The following NCOR2 variants were observed in gnomAD, a reference collection of about 807,000 sequenced individuals.
The protein encoded by NCOR2 is nuclear receptor corepressor 2, also known as CTG repeat protein 26.
NCOR2 carries 81 observed loss-of-function variants against 262.9 expected under a neutral mutation model. The ratio of observed to expected loss-of-function variants is 0.31; its 90% CI spans 0.26 to 0.37. The LOEUF is 0.37. Among genes scored for constraint, NCOR2 ranks in the 10% least tolerant of loss-of-function variants. The pLI is 1.00. For synonymous variants in NCOR2, 1,659 were observed against 1,559.3 expected (o/e 1.06, Z -1.51); for missense variants, 3,385 against 3,621.4 (o/e 0.93, Z 1.68).
At chr12:124,336,650 G>C in intron 38 of NCOR2, 103 bp downstream of exon 40, 2 of 1,517,556 alleles carry the variant, frequency 1.3e-6, no homozygotes, top group Non-Finnish European at 1.8e-6. Context: ...ATCGCGAGGG[G>C]AGCCGTTGGC....
chr12:124,376,918 G>C (rs928354836), intron 18 of NCOR2, among the ~76,000 whole-genome samples: 2 of 152,200 alleles, frequency 1.3e-5, no homozygotes, highest in Admixed American at 6.5e-5. Flanking sequence ...GAGTCAGAAA[G>C]GAGAGTCAGG....
At chr12:124,515,697 A>C (rs1335677869) in intron 1 of NCOR2, among the ~76,000 whole-genome samples, 1 of 151,576 alleles carries the variant, frequency 6.6e-6, no homozygotes, top group Non-Finnish European at 1.5e-5. Context: ...ATGCGTGTGC[A>C]TGTTCGTGTG....
intron 17 of NCOR2, 119 bp downstream of exon 19, chr12:124,385,626 G>T: frequency 2.1e-6 from 3 of 1,422,310 alleles, no homozygotes; most frequent in Non-Finnish European, 2.8e-6. Context: ...GTTCTAACAA[G>T]GCGGCATAAT....
chr12:124,479,407 A>G (rs1182214252), intron 3 of NCOR2, among the ~76,000 whole-genome samples: 2 of 151,734 alleles, frequency 1.3e-5, no homozygotes, highest in African/African-American at 4.8e-5. Context: ...ACACGCACGC[A>G]CACACAGGTA....
chr12:124,346,148 T>C (rs940648718), intron 31 of NCOR2, among the ~76,000 whole-genome samples: 2 of 152,070 alleles, frequency 1.3e-5, no homozygotes, highest in African/African-American at 4.8e-5. Context: ...TACTCAGCAA[T>C]AAAATAAGGT....
At chr12:124,506,702 C>T (rs1483672289) in intron 1 of NCOR2, among the ~76,000 whole-genome samples, 1 of 152,170 alleles carries the variant, frequency 6.6e-6, no homozygotes, top group Non-Finnish European at 1.5e-5. Context: ...TTCCATTAGA[C>T]CCATCTCCTC....
At position 124,334,914 on chromosome 12, in the gene NCOR2, C is replaced by G. The variant is rs4765545; in HGVS notation, c.6411+221G>C. The G allele has an allele frequency of 1.0e-5, 7 of 672,262 alleles. No individual in the cohort carries two copies. In the Admixed American group the frequency reaches 2.0e-4, roughly 19 times the overall value. The allele number at this position is 672,262 out of a possible 1,614,324, so 41.6% of individuals were successfully genotyped here. A position where few individuals can be genotyped will look rare whatever the true frequency, so the allele number is the denominator to read the frequency against. ...TGCCCGTGAAGATGCCATCGGCTCG[C>G]ATCACAGGCTCCTCCCATGGATTAG... On this transcript the variant is annotated intron_variant, in intron 40 of 46. Transcript: ENST00000405201.
At chr12:124,398,923 C>G (rs1459225812) in intron 15 of NCOR2, among the ~76,000 whole-genome samples, 2 of 152,234 alleles carry the variant, frequency 1.3e-5, no homozygotes, top group Non-Finnish European at 2.9e-5. Context: ...GGCTGCATCT[C>G]TGCAGTGGCA....
At chr12:124,465,009 AG>A (rs1422690799) in intron 5 of NCOR2, among the ~76,000 whole-genome samples, 1 of 152,158 alleles carries the variant, frequency 6.6e-6, no homozygotes, top group Non-Finnish European at 1.5e-5. Flanking sequence ...CTAGAGGTGG[AG>A]GCATAGCCAA....
intron 13 of NCOR2, among the ~76,000 whole-genome samples, chr12:124,416,592 G>C (rs556143225): frequency 2.8e-5 from 4 of 143,786 alleles, no homozygotes; most frequent in Admixed American, 2.1e-4. Context: ...GGGAGTCCCC[G>C]CGGCACAGAT....
In NCOR2 at chr12:124,500,855, G is replaced by A. The variant is rs1246653190; in HGVS notation, c.-117-5487C>T. Reference sequence around the variant, plus strand: ...CAGGCGGGGGCTGGTGGAGGTGTGGGAGCTACAGGATGTGCCCGGAGCGCT... The same window carrying A: ...CAGGCGGGGGCTGGTGGAGGTGTGGAAGCTACAGGATGTGCCCGGAGCGCT... On this transcript the variant is annotated intron_variant, in intron 1 of 46. Transcript: ENST00000404621. Among the ~76,000 whole-genome samples the A allele has an allele frequency of 2.6e-5, 4 of 152,132 alleles. No homozygotes were observed. The East Asian group carries it at 7.7e-4, about 29-fold the overall frequency.
rs371737548 is a variant in NCOR2, at chr12:124,344,828, C to T, written c.4483G>A (p.Asp1495Asn). The T allele has an allele frequency of 3.7e-5, 58 of 1,558,934 alleles. No individual in the cohort carries two copies. Among genetic ancestry groups the T allele is most frequent in the Middle Eastern group, 1.7e-4 (1 of 6,024 alleles). Residue 1495 changes from aspartate (D) to asparagine (N), a missense_variant, in exon 32 of 47, where the codon GAC becomes AAC. Around this residue, in one of 5 missense-constraint regions of NCOR2, gnomAD observed 1,615 missense variants for 1,626.9 expected, o/e 0.99. Transcript: ENST00000405201. ...CAGGCACGTTCCAGTGCCCGGGCGT[C>T]GGCCATCACATCCAGCGGGTGCACG...
chr12:124,330,829 G>T lies in NCOR2; in HGVS notation c.6958+16C>A. 1 of 1,569,646 alleles carries T rather than the reference G, an allele frequency of 6.4e-7. No homozygotes were observed. On this transcript the variant is annotated intron_variant, in intron 44 of 46. Transcript: ENST00000405201. Reference sequence around the variant, plus strand: ...GGGGACCAGGGCAGCCATATAGCAAGGGCTGGATGGGTTACCTGTTCCGGT... The same window carrying T: ...GGGGACCAGGGCAGCCATATAGCAATGGCTGGATGGGTTACCTGTTCCGGT...
intron 1 of NCOR2, among the ~76,000 whole-genome samples, chr12:124,554,723 T>C (rs2137271693): frequency 6.6e-6 from 1 of 152,354 alleles, no homozygotes; most frequent in South Asian, 2.1e-4. Flanking sequence ...GGCCGCACAG[T>C]TCCGGGAGGT....
intron 13 of NCOR2, among the ~76,000 whole-genome samples, chr12:124,416,480 C>T (rs1367934057): frequency 1.3e-5 from 2 of 152,218 alleles, no homozygotes. Flanking sequence ...TCTACGGAGT[C>T]TTCAAGGATG....
intron 16 of NCOR2, among the ~76,000 whole-genome samples, chr12:124,392,587 A>G (rs907078128): frequency 4.6e-5 from 7 of 152,156 alleles, no homozygotes; most frequent in Non-Finnish European, 2.9e-5. Flanking sequence ...GAGCAGCAGC[A>G]CTGCCTACCG....
rs1194393591 is a variant in NCOR2 at position 124,440,810 on chromosome 12, A to G, written c.816-2814T>C. Among the ~76,000 whole-genome samples the G allele has an allele frequency of 5.3e-5, 8 of 152,192 alleles. No individual in the cohort carries two copies. Among genetic ancestry groups the G allele is most frequent in the Admixed American group, 2.0e-4 (3 of 15,276 alleles). On this transcript the variant is annotated intron_variant, in intron 7 of 46. Transcript: ENST00000405201. The surrounding 1 kb of genome is among the most constrained non-coding windows in gnomAD (Gnocchi z 5.7). ...CGTGGTGCAGAAAGATCTCCCAGAG[A>G]GGATGGCCTTGAGCTGGGATCTACG...
chr12:124,444,327 C>A (rs533126808), intron 7 of NCOR2, among the ~76,000 whole-genome samples: 1 of 152,166 alleles, frequency 6.6e-6, no homozygotes, highest in Non-Finnish European at 1.5e-5. Flanking sequence ...TAAAAACACA[C>A]ACCCTATAAG....
At chr12:124,352,151 C>T (rs74888674) in intron 27 of NCOR2, among the ~76,000 whole-genome samples, 10 of 152,278 alleles carry the variant, frequency 6.6e-5, no homozygotes, top group Non-Finnish European at 1.5e-4. Flanking sequence ...GGTGACAGCT[C>T]GGGGCAGCCA....
Sources: allele counts gnomAD v4.1 joint callset (sites outside exome capture counted in the v4.1 genomes callset), GRCh38; gene constraint gnomAD v4.1.1; regional missense constraint gnomAD v4.1.1; non-coding constraint Gnocchi (gnomAD v3.1); transcripts MANE v1.5; gene names NCBI Gene and HGNC (gene_info 2026-07-23, HGNC 2026-07-21).